CWF19L2: variants seen among roughly 807,000 people sequenced by gnomAD.
The protein encoded by CWF19L2 is CWF19 like cell cycle control factor 2.
A neutral mutation model predicts 111.7 loss-of-function variants in CWF19L2; 98 were observed. The ratio of observed to expected loss-of-function variants is 0.88; its 90% CI spans 0.75 to 1.04. The LOEUF (loss-of-function observed/expected upper bound fraction) is 1.04, where lower values mean the gene tolerates loss of function less well. CWF19L2 is among the 50% of genes least tolerant of loss of function. The probability of loss-of-function intolerance (pLI) is 0.00; values close to 1 mark genes in which losing one functional copy is unlikely to be tolerated. For missense variants in CWF19L2, 1,101 were observed against 1,051.4 expected (o/e 1.05, Z -0.65); for synonymous variants, 351 against 342.9 (o/e 1.02, Z -0.26).
chr11:107,365,268 C>T (rs1250635819), intron 12 of CWF19L2, among the ~76,000 whole-genome samples: 10 of 143,506 alleles, frequency 7.0e-5, no homozygotes, highest in African/African-American at 1.1e-4. Context: ...GGTACCATTC[C>T]TTCTGAAACT....
intron 12 of CWF19L2, among the ~76,000 whole-genome samples, chr11:107,359,828 T>A (rs1057146388): frequency 2.6e-5 from 4 of 152,054 alleles, no homozygotes; most frequent in Admixed American, 1.3e-4. Context: ...GAACTTGAAG[T>A]TGAGACTGCT....
At chr11:107,372,371 CA>C (rs34019651) in intron 12 of CWF19L2, among the ~76,000 whole-genome samples, 26,705 of 121,256 alleles carry the variant, frequency 0.22, 6,348 homozygotes, top group Middle Eastern at 0.36. Context: ...TAAAAGGTGG[CA>C]AAAAAAAAAA....
chr11:107,440,224 T>A (rs1288349141), intron 5 of CWF19L2, among the ~76,000 whole-genome samples: 1 of 152,102 alleles, frequency 6.6e-6, no homozygotes, highest in African/African-American at 2.4e-5. Context: ...AGAAAATGCT[T>A]CCTACAAGAA....
intron 15 of CWF19L2, 139 bp downstream of exon 15, chr11:107,336,419 G>A (rs1272883290): frequency 2.8e-6 from 2 of 712,478 alleles, no homozygotes; most frequent in East Asian, 6.5e-5. Flanking sequence ...GTGAGGCACT[G>A]TGCCCGGCCT....
intron 3 of CWF19L2, among the ~76,000 whole-genome samples, chr11:107,448,710 G>C (rs180792054): frequency 2.0e-4 from 31 of 152,200 alleles, no homozygotes; most frequent in African/African-American, 7.5e-4. Flanking sequence ...GGAGATGACT[G>C]GGAATGGGAT....
chr11:107,417,001 T>G (rs1165628804), intron 9 of CWF19L2, among the ~76,000 whole-genome samples: 1 of 152,160 alleles, frequency 6.6e-6, no homozygotes, highest in African/African-American at 2.4e-5. Flanking sequence ...CTAGGACGAG[T>G]GGAAGTTCAG....
intron 16 of CWF19L2, among the ~76,000 whole-genome samples, chr11:107,333,604 T>A (rs2134521349): frequency 6.6e-6 from 1 of 152,068 alleles, no homozygotes. Context: ...ACATTTAGAG[T>A]TTTTGTTTTG....
intron 4 of CWF19L2, among the ~76,000 whole-genome samples, chr11:107,442,289 T>C (rs1861628707): frequency 6.6e-6 from 1 of 152,182 alleles, no homozygotes; most frequent in Admixed American, 6.5e-5. Flanking sequence ...ATTCCTAAAG[T>C]ATATTGTTTT....
intron 15 of CWF19L2, among the ~76,000 whole-genome samples, 152 bp from the exon 16 acceptor site, chr11:107,335,113 A>T (rs1158151441): frequency 1.3e-5 from 2 of 152,238 alleles, no homozygotes; most frequent in African/African-American, 4.8e-5. Flanking sequence ...GTTATTTAAA[A>T]TAAGAACTTC....
At chr11:107,432,655 C>T (rs1043644532) in intron 7 of CWF19L2, among the ~76,000 whole-genome samples, 1 of 152,096 alleles carries the variant, frequency 6.6e-6, no homozygotes, top group Admixed American at 6.6e-5. Flanking sequence ...AAAACTCTGC[C>T]AATCACAACA....
At chr11:107,456,061 G>A (rs1861850239) in intron 1 of CWF19L2, among the ~76,000 whole-genome samples, 1 of 152,144 alleles carries the variant, frequency 6.6e-6, no homozygotes, top group African/African-American at 2.4e-5. Context: ...ATCTCTCTAA[G>A]CTCCCTAGCT....
At position 107,380,671 on chromosome 11, in the gene CWF19L2, T is replaced by G. The variant is rs963080057; in HGVS notation, c.1872+9403A>C. Among the ~76,000 whole-genome samples, 7 of 152,202 alleles carry G rather than the reference T, an allele frequency of 4.6e-5. No individual in the cohort carries two copies. The South Asian group carries it at 1.4e-3, about 31-fold the overall frequency. On this transcript the variant is annotated intron_variant, in intron 12 of 17. Transcript: ENST00000282251. ...CTGTGGGAAATAGTTTGGTGGTTCCTCAAAAAGTCAAACATAGGGTTACCA... is the reference window on the plus strand; with the variant it reads ...CTGTGGGAAATAGTTTGGTGGTTCCGCAAAAAGTCAAACATAGGGTTACCA...
intron 10 of CWF19L2, among the ~76,000 whole-genome samples, chr11:107,405,712 C>T (rs1861066951): frequency 6.6e-6 from 1 of 151,886 alleles, no homozygotes; most frequent in African/African-American, 2.4e-5. Context: ...CAGCTTTCTA[C>T]TAAGAGGCAG....
intron 14 of CWF19L2, chr11:107,348,629 G>A (rs564816416): frequency 1.2e-5 from 2 of 166,652 alleles, no homozygotes; most frequent in South Asian, 1.7e-4. Context: ...GGCTTACTGT[G>A]GTAAGAATGA....
At chr11:107,405,155 C>T (rs980786255) in intron 10 of CWF19L2, among the ~76,000 whole-genome samples, 6 of 152,216 alleles carry the variant, frequency 3.9e-5, no homozygotes, top group East Asian at 1.9e-4. Flanking sequence ...TAAAATTCTA[C>T]GCAATTCTAA....
intron 9 of CWF19L2, among the ~76,000 whole-genome samples, chr11:107,416,811 A>C (rs1254147610): frequency 6.6e-6 from 1 of 152,230 alleles, no homozygotes; most frequent in Non-Finnish European, 1.5e-5. Flanking sequence ...GATTTATGTG[A>C]CATGCAAAGA....
intron 12 of CWF19L2, among the ~76,000 whole-genome samples, chr11:107,387,808 C>A (rs1432853610): frequency 6.6e-6 from 1 of 152,218 alleles, no homozygotes; most frequent in Non-Finnish European, 1.5e-5. Context: ...ATAATGCCGA[C>A]TGGCCCGCTC....
intron 11 of CWF19L2, among the ~76,000 whole-genome samples, chr11:107,392,307 T>C (rs528611598): frequency 7.6e-4 from 115 of 152,292 alleles, no homozygotes; most frequent in African/African-American, 2.6e-3. Flanking sequence ...CTCAAGGTAG[T>C]GCTAAAAACT....
At chr11:107,390,543 T>C (rs1302832313) in intron 11 of CWF19L2, among the ~76,000 whole-genome samples, 1 of 152,176 alleles carries the variant, frequency 6.6e-6, no homozygotes, top group Non-Finnish European at 1.5e-5. Flanking sequence ...TCCTTACCAC[T>C]GTGGTGGGAA....
Sources: gnomAD v4.1 joint callset for allele counts (sites outside exome capture counted in the v4.1 genomes callset) on GRCh38, gnomAD v4.1.1 for gene constraint, MANE v1.5 for transcripts, NCBI Gene and HGNC (gene_info 2026-07-23, HGNC 2026-07-21) for gene names.